Variants in PPT1 observed in about 807,000 individuals in gnomAD.
PPT1 encodes palmitoyl-protein thioesterase 1.
In PPT1, 24 loss-of-function variants were observed where a neutral mutation model predicts 44.0. That is an observed-to-expected ratio of 0.54 (90% confidence interval 0.39 to 0.77). PPT1 has a LOEUF of 0.77. Ranked by LOEUF, PPT1 falls within the 30% of genes least tolerant of loss-of-function variation. PPT1 has a pLI of 0.00. For missense variants in PPT1, 341 were observed against 378.8 expected (o/e 0.90, Z 0.83); for synonymous variants, 148 against 140.2 (o/e 1.06, Z -0.39).
At chr1:40,078,696 T>C in intron 6 of PPT1, 38 bp from the exon 7 acceptor site, 1 of 1,527,760 alleles carries the variant, frequency 6.5e-7, no homozygotes, top group Non-Finnish European at 9.1e-7. Flanking sequence ...GTCATTACCA[T>C]CAGACACCAG....
At position 40,078,664 on chromosome 1, in the gene PPT1, A is replaced by AG; in HGVS notation, c.628-7dup. 1 of 1,609,604 alleles carries AG rather than the reference A, an allele frequency of 6.2e-7. No individual in the cohort carries two copies. The highest frequency in any genetic ancestry group is 8.5e-7 in the Non-Finnish European group (1 of 1,176,146). On this transcript the variant is annotated splice_polypyrimidine_tract_variant and splice_region_variant and intron_variant, in intron 6 of 8. Coordinates refer to ENST00000642050, the MANE Select transcript of PPT1 (RefSeq NM_000310.4). Reference sequence around the variant, plus strand: ...TTGTAGGACTCATTGATACCCTGAAAGAAAGGCCAGCAACACCTAAGGTCA... The same window carrying AG: ...TTGTAGGACTCATTGATACCCTGAAAGGAAAGGCCAGCAACACCTAAGGTCA...
intron 1 of PPT1, among the ~76,000 whole-genome samples, chr1:40,094,671 A>G (rs1451365834): frequency 1.3e-5 from 2 of 152,240 alleles, no homozygotes; most frequent in Admixed American, 6.5e-5. Flanking sequence ...GCTACTGAGT[A>G]GAAGTGGACT....
chr1:40,092,033 A>T lies in PPT1; in HGVS notation c.362+12T>A, dbSNP rs1160597120. ...CCATATAAGTGGTACAATATAACAA[A>T]AAGGAACGTACAGAAATTGGCCTCC... On this transcript the variant is annotated intron_variant, in intron 3 of 8. Coordinates refer to ENST00000642050, the MANE Select transcript of PPT1 (RefSeq NM_000310.4). 1 of 1,613,974 alleles carries T rather than the reference A, an allele frequency of 6.2e-7. No individual in the cohort carries two copies. The highest frequency in any genetic ancestry group is 8.5e-7 in the Non-Finnish European group (1 of 1,179,918).
At position 40,078,607 on chromosome 1, in the gene PPT1, T is replaced by C. The variant is rs776618627; in HGVS notation, c.679A>G (p.Met227Val). ...ATGGAATCATTGAGGAATTTCACCATCACAAACTTCTTCAGGGCCATCAGG... is the reference window on the plus strand; with the variant it reads ...ATGGAATCATTGAGGAATTTCACCACCACAAACTTCTTCAGGGCCATCAGG... ...KNLMALKKFVMVKFLNDSIVD... is the reference protein window; with the variant it reads ...KNLMALKKFVVVKFLNDSIVD... Residue 227 changes from methionine (M) to valine (V), a missense_variant, in exon 7 of 9, where the codon ATG becomes GTG. By Grantham distance (21) the Met-to-Val change is conservative. Transcript: ENST00000642050. 6.2e-7 allele frequency: 1 copy of C among 1,614,018 alleles called. No homozygotes were observed. Among genetic ancestry groups the C allele is most frequent in the Non-Finnish European group, 8.5e-7 (1 of 1,179,924 alleles).
chr1:40,089,980 T>C (rs1017416551), intron 4 of PPT1, among the ~76,000 whole-genome samples: 1 of 152,230 alleles, frequency 6.6e-6, no homozygotes, highest in African/African-American at 2.4e-5. Context: ...GATTTCATTA[T>C]TTGCCCTATA....
At chr1:40,078,487 C>G in intron 7 of PPT1, 73 bp downstream of exon 7, 1 of 1,444,196 alleles carries the variant, frequency 6.9e-7, no homozygotes, top group Non-Finnish European at 9.7e-7. Context: ...CAGGCATGAG[C>G]CACCGTGCCC....
At chr1:40,084,597 C>T (rs992123538) in intron 5 of PPT1, among the ~76,000 whole-genome samples, 10 of 152,054 alleles carry the variant, frequency 6.6e-5, no homozygotes, top group Admixed American at 3.3e-4. Flanking sequence ...ACCCAGGTGC[C>T]GAGGCAAGAG....
At chr1:40,071,982 C>CTAA (rs1188738027), downstream of PPT1, 1 of 407,524 alleles carries the variant, frequency 2.5e-6, no homozygotes, top group African/African-American at 2.1e-5. Flanking sequence ...TCTAACCAAA[C>CTAA]TAATTTTTCA....
chr1:40,088,577 A>G (rs1007148184), intron 5 of PPT1, among the ~76,000 whole-genome samples: 1 of 151,890 alleles, frequency 6.6e-6, no homozygotes, highest in African/African-American at 2.4e-5. Flanking sequence ...TTTTTTTTAA[A>G]AATAGATTTT....
chr1:40,088,749 C>T (rs751453451), intron 5 of PPT1, among the ~76,000 whole-genome samples: 4 of 152,078 alleles, frequency 2.6e-5, no homozygotes, highest in African/African-American at 4.8e-5. Context: ...TAGTCAGGGA[C>T]AGTGATATAG....
rs1649893278 is a variant in PPT1 at position 40,097,028 on chromosome 1, G to C, written c.124+87C>G. On this transcript the variant is annotated intron_variant, in intron 1 of 8. Coordinates refer to ENST00000642050, the MANE Select transcript of PPT1 (RefSeq NM_000310.4). ...CCGCGTGCTGTGGGACCACGTCCTC[G>C]CCCTCTACACCCGCATTTTGCAGAT... is the stretch of plus-strand genomic sequence containing the variant. The C allele has an allele frequency of 3.7e-6, 6 of 1,609,542 alleles. No individual in the cohort carries two copies. In the Admixed American group the frequency reaches 5.0e-5, roughly 13 times the overall value.
In PPT1 at chr1:40,072,864, G is replaced by A. The variant is rs1328876709; in HGVS notation, c.*1197C>T. The A allele has an allele frequency of 2.0e-5, 3 of 152,138 alleles. No homozygotes were observed. The highest frequency in any genetic ancestry group is 2.9e-5 in the Non-Finnish European group (2 of 68,038). The allele number at this position is 152,138 out of a possible 1,614,324, so 9.4% of individuals were successfully genotyped here. A position where few individuals can be genotyped will look rare whatever the true frequency, so the allele number is the denominator to read the frequency against. On this transcript the variant is annotated 3_prime_UTR_variant, in exon 9 of 9. Coordinates refer to ENST00000642050, the MANE Select transcript of PPT1 (RefSeq NM_000310.4). Reference sequence around the variant, plus strand: ...TGGCTAAACTTAGCAGCACCAACACGGTTCTTTCATCAAGGCGTAGCTCAT... The same window carrying A: ...TGGCTAAACTTAGCAGCACCAACACAGTTCTTTCATCAAGGCGTAGCTCAT...
rs1553167414 is a variant in PPT1, at chr1:40,091,324, G to A, written c.433+5C>T. The A allele has an allele frequency of 1.2e-6, 2 of 1,613,282 alleles. No homozygotes were observed. The highest frequency in any genetic ancestry group is 1.7e-6 in the Non-Finnish European group (2 of 1,179,262). On this transcript the variant is annotated splice_donor_5th_base_variant and intron_variant, in intron 4 of 8. Transcript: ENST00000642050. Reference sequence around the variant, plus strand: ...AGAAAAAAGAAAGCAAAGAGGCAAAGTTACCTTGATGTTGTCCCCCAACCG... The same window carrying A: ...AGAAAAAAGAAAGCAAAGAGGCAAAATTACCTTGATGTTGTCCCCCAACCG...
intron 6 of PPT1, among the ~76,000 whole-genome samples, chr1:40,079,893 G>C (rs924855602): frequency 1.3e-5 from 2 of 152,072 alleles, no homozygotes; most frequent in Non-Finnish European, 2.9e-5. Flanking sequence ...GTTGTTTTTT[G>C]TTTGGTTTGT....
chr1:40,072,863 C>T lies in PPT1; in HGVS notation c.*1198G>A, dbSNP rs1342131385. The T allele has an allele frequency of 6.6e-6, 1 of 152,170 alleles. No individual in the cohort carries two copies. The highest frequency in any genetic ancestry group is 1.5e-5 in the Non-Finnish European group (1 of 68,028). 9.4% of individuals were successfully genotyped at this position (152,170 alleles called of 1,614,324 possible). On this transcript the variant is annotated 3_prime_UTR_variant, in exon 9 of 9. Transcript: ENST00000642050. ...ATGGCTAAACTTAGCAGCACCAACA[C>T]GGTTCTTTCATCAAGGCGTAGCTCA...
chr1:40,078,772 T>G, intron 6 of PPT1, 114 bp from the exon 7 acceptor site: 1 of 878,152 alleles, frequency 1.1e-6, no homozygotes, highest in Non-Finnish European at 1.9e-6. Flanking sequence ...TTCTTCCCCA[T>G]GGGTATGGGC....
rs1003007171 is a variant in PPT1, at chr1:40,097,191, T to C, written c.48A>G (p.Pro16=). The change falls in exon 1 of 9, where the codon CCA becomes CCG. Residue 16 remains proline (P), a synonymous_variant. Coordinates refer to ENST00000642050, the MANE Select transcript of PPT1 (RefSeq NM_000310.4). ...GCAGCGCCCGAGAAGCGCAGGTCCA[T>C]GGCAGGAGAGCCACAGCCAAGAGCC... is the stretch of plus-strand genomic sequence containing the variant. ...CLWLLAVALL[P]WTCASRALQH... is the part of the protein sequence containing the mutation. 3.6e-5 allele frequency: 58 copies of C among 1,613,888 alleles called. No individual in the cohort carries two copies. Among genetic ancestry groups the C allele is most frequent in the Non-Finnish European group, 4.2e-5 (50 of 1,179,968 alleles).
intron 5 of PPT1, among the ~76,000 whole-genome samples, chr1:40,087,428 A>T (rs1294860244): frequency 6.6e-6 from 1 of 151,884 alleles, no homozygotes; most frequent in Non-Finnish European, 1.5e-5. Context: ...TTTTTAGTAG[A>T]GATGGGGTTT....
At position 40,092,040 on chromosome 1, in the gene PPT1, C is replaced by T. The variant is rs796052924; in HGVS notation, c.362+5G>A. 6.2e-7 allele frequency: 1 copy of T among 1,613,860 alleles called. No homozygotes were observed. Among genetic ancestry groups the T allele is most frequent in the African/African-American group, 1.3e-5 (1 of 75,004 alleles). On this transcript the variant is annotated splice_donor_5th_base_variant and intron_variant, in intron 3 of 8. Transcript: ENST00000642050. ...AGTGGTACAATATAACAAAAAGGAA[C>T]GTACAGAAATTGGCCTCCCTGGGAG...
Sources: allele counts gnomAD v4.1 joint callset (sites outside exome capture counted in the v4.1 genomes callset), GRCh38; gene constraint gnomAD v4.1.1; transcripts MANE v1.5; gene names NCBI Gene and HGNC (gene_info 2026-07-23, HGNC 2026-07-21).